RALGAPA1: variants seen among roughly 807,000 people sequenced by gnomAD.
The protein encoded by RALGAPA1 is Ral GTPase activating protein catalytic subunit alpha 1.
A neutral mutation model predicts 269.6 loss-of-function variants in RALGAPA1; 52 were observed. That is an observed-to-expected ratio of 0.19 (90% confidence interval 0.15 to 0.24). RALGAPA1 has a LOEUF of 0.24. RALGAPA1 is among the 10% of genes least tolerant of loss of function. RALGAPA1 has a pLI of 1.00. For synonymous variants in RALGAPA1, 817 were observed against 1,008.3 expected, an observed-to-expected ratio of 0.81 and a Z score of 3.60; for missense variants, 1,917 against 3,013.9, an observed-to-expected ratio of 0.64 and a Z score of 8.52.
chr14:35,792,817 G>GAGAAAGAA (rs72124498), intron 1 of RALGAPA1, among the ~76,000 whole-genome samples: 103 of 119,772 alleles, frequency 8.6e-4, no homozygotes, highest in African/African-American at 2.1e-3. Context: ...AAGAAAGAAA[G>GAGAAAGAA]AGAAAGAAAG....
chr14:35,548,009 G>A (rs954633010), intron 41 of RALGAPA1, among the ~76,000 whole-genome samples: 2 of 151,810 alleles, frequency 1.3e-5, no homozygotes, highest in African/African-American at 4.8e-5. Context: ...GAGATTTGAA[G>A]GTTTATTATG....
chr14:35,582,066 C>A (rs2057983826), intron 37 of RALGAPA1, among the ~76,000 whole-genome samples: 1 of 152,160 alleles, frequency 6.6e-6, no homozygotes, highest in Admixed American at 6.5e-5. Flanking sequence ...GAATGAAATT[C>A]TGATGTATGC....
intron 7 of RALGAPA1, among the ~76,000 whole-genome samples, chr14:35,752,585 G>A (rs751582664): frequency 2.0e-5 from 3 of 152,150 alleles, no homozygotes; most frequent in Admixed American, 6.6e-5. Flanking sequence ...ATCCATAAAG[G>A]GGGTACAGTA....
chr14:35,655,873 T>C lies in RALGAPA1; in HGVS notation c.5430A>G (p.Glu1810=). The change falls in exon 29 of 42, where the codon GAA becomes GAG. Residue 1810 remains glutamate, a synonymous_variant. Coordinates refer to ENST00000680220, the MANE Select transcript of RALGAPA1 (RefSeq NM_001346249.2). ...LCSLGIWICE[E]LVHESHHPQI... ...GAGGATGATGAGACTCATGGACTAG[T>C]TCTTCACAAATCCAAATACCTAAAC... is the stretch of plus-strand genomic sequence containing the variant. 6.2e-7 allele frequency: 1 copy of C among 1,613,514 alleles called. No homozygotes were observed. The highest frequency in any genetic ancestry group is 2.2e-5 in the East Asian group (1 of 44,780).
chr14:35,595,487 CA>C, intron 37 of RALGAPA1, 146 bp downstream of exon 37: 1 of 680,264 alleles, frequency 1.5e-6, no homozygotes, highest in African/African-American at 1.8e-5. Flanking sequence ...GCTGTACAAC[CA>C]CCCTATTTTC....
intron 33 of RALGAPA1, among the ~76,000 whole-genome samples, chr14:35,633,493 T>C (rs1248697019): frequency 6.6e-6 from 1 of 152,146 alleles, no homozygotes; most frequent in Non-Finnish European, 1.5e-5. Context: ...CAATCTAATA[T>C]ACCAGGAGTC....
intron 17 of RALGAPA1, among the ~76,000 whole-genome samples, chr14:35,698,519 T>G (rs756174596): frequency 6.6e-6 from 1 of 152,104 alleles, no homozygotes; most frequent in African/African-American, 2.4e-5. Flanking sequence ...CCAATCAAAC[T>G]TTTAAGAATT....
intron 1 of RALGAPA1, among the ~76,000 whole-genome samples, chr14:35,799,014 C>T (rs1399030212): frequency 6.9e-6 from 1 of 144,032 alleles, no homozygotes; most frequent in Non-Finnish European, 1.5e-5. Context: ...AAAAAAAGTA[C>T]ACAAAGAAAT....
chr14:35,712,884 G>A (rs1321175212), intron 16 of RALGAPA1, among the ~76,000 whole-genome samples: 1 of 152,164 alleles, frequency 6.6e-6, no homozygotes, highest in African/African-American at 2.4e-5. Context: ...TAAAACTCCA[G>A]GTTGGTTCAT....
chr14:35,638,104 G>A (rs2061778911), intron 31 of RALGAPA1, among the ~76,000 whole-genome samples: 1 of 152,140 alleles, frequency 6.6e-6, no homozygotes, highest in Non-Finnish European at 1.5e-5. Flanking sequence ...GAATGTTAAT[G>A]AGCAGTAAGA....
Position 35,689,133 on chromosome 14 carries a change from G to C in RALGAPA1, c.3278C>G (p.Thr1093Ser). 8.1e-7 allele frequency: 1 copy of C among 1,234,620 alleles called. No homozygotes were observed. Among genetic ancestry groups the C allele is most frequent in the East Asian group, 3.1e-5 (1 of 31,764 alleles). The allele number at this position is 1,234,620 out of a possible 1,614,324, so 76.5% of individuals were successfully genotyped here. A position where few individuals can be genotyped will look rare whatever the true frequency, so the allele number is the denominator to read the frequency against. ...LKSVQINEKI[T>S]VPHVMRAKKA... ...CTTGGCACGCATAACATGTGGGACA[G>C]TGATTTTTTCATTAATTTGCACACT... Residue 1093 changes from threonine to serine, a missense_variant, in exon 18 of 42, where the codon ACT becomes AGT. By Grantham distance (58) the Thr-to-Ser change is moderately conservative. Around this residue, in one of 11 missense-constraint regions of RALGAPA1, gnomAD observed 615 missense variants for 790.0 expected, o/e 0.78. Coordinates refer to ENST00000680220, the MANE Select transcript of RALGAPA1 (RefSeq NM_001346249.2).
At chr14:35,672,126 A>G (rs1228729249) in intron 25 of RALGAPA1, among the ~76,000 whole-genome samples, 1 of 152,188 alleles carries the variant, frequency 6.6e-6, no homozygotes, top group East Asian at 1.9e-4. Context: ...CTAATAATTA[A>G]GAGAGTCATT....
At chr14:35,747,184 C>T (rs900756376) in intron 10 of RALGAPA1, among the ~76,000 whole-genome samples, 1 of 152,008 alleles carries the variant, frequency 6.6e-6, no homozygotes, top group East Asian at 1.9e-4. Flanking sequence ...CAATTAAATA[C>T]TGCATTTATG....
At chr14:35,548,119 A>G (rs1423491281) in intron 41 of RALGAPA1, among the ~76,000 whole-genome samples, 1 of 152,154 alleles carries the variant, frequency 6.6e-6, no homozygotes, top group African/African-American at 2.4e-5. Context: ...TGCAAGGCAC[A>G]CAGAGAGTTA....
chr14:35,698,562 TATAAATAA>T (rs889236032), intron 17 of RALGAPA1, among the ~76,000 whole-genome samples: 2 of 152,044 alleles, frequency 1.3e-5, no homozygotes, highest in African/African-American at 4.8e-5. Context: ...CTGTACTCGA[TATAAATAA>T]ATAAATAAAT....
chr14:35,721,815 G>A lies in RALGAPA1; in HGVS notation c.2139C>T (p.Asp713=). 1 of 1,613,400 alleles carries A rather than the reference G, an allele frequency of 6.2e-7. No homozygotes were observed. Among genetic ancestry groups the A allele is most frequent in the Non-Finnish European group, 8.5e-7 (1 of 1,179,440 alleles). The change falls in exon 16 of 42, where the codon GAC becomes GAT. Residue 713 remains aspartate (D), a synonymous_variant. Coordinates refer to ENST00000680220, the MANE Select transcript of RALGAPA1 (RefSeq NM_001346249.2). ...VGHEFQKVSV[D]KSFSRGWSRD... is the part of the protein sequence containing the mutation. ...GACTCCATCCTCTAGAAAATGACTT[G>A]TCAACTGAAACTTTCTGAAATTCAT... is the stretch of plus-strand genomic sequence containing the variant.
At chr14:35,555,829 T>C (rs1030173359) in intron 39 of RALGAPA1, among the ~76,000 whole-genome samples, 9 of 152,336 alleles carry the variant, frequency 5.9e-5, no homozygotes, top group Middle Eastern at 3.4e-3. Flanking sequence ...ATGCTCTCTC[T>C]ACATCCAATC....
intron 1 of RALGAPA1, among the ~76,000 whole-genome samples, chr14:35,778,431 T>A (rs60581265): frequency 0.019 from 2,893 of 152,304 alleles, 89 homozygotes; most frequent in African/African-American, 0.066. Context: ...AAGGGATATA[T>A]GCCTTTCCTC....
intron 1 of RALGAPA1, among the ~76,000 whole-genome samples, chr14:35,800,051 G>A (rs2076860704): frequency 6.6e-6 from 1 of 152,092 alleles, no homozygotes; most frequent in African/African-American, 2.4e-5. Context: ...AATCCTAAAG[G>A]TTTAGGCAGC....
Sources: allele counts gnomAD v4.1 joint callset (sites outside exome capture counted in the v4.1 genomes callset), GRCh38; gene constraint gnomAD v4.1.1; regional missense constraint gnomAD v4.1.1; transcripts MANE v1.5; gene names NCBI Gene and HGNC (gene_info 2026-07-23, HGNC 2026-07-21).